The following RARB variants were observed in gnomAD, a reference collection of about 807,000 sequenced individuals.
RARB encodes retinoic acid receptor beta.
In RARB, 17 loss-of-function variants were observed where a neutral mutation model predicts 51.9. That is an observed-to-expected ratio of 0.33 (90% confidence interval 0.22 to 0.49). The LOEUF is 0.49. Ranked by LOEUF, RARB falls within the 20% of genes least tolerant of loss-of-function variation. The pLI is 0.99. For missense variants in RARB, 369 were observed against 550.8 expected (o/e 0.67, Z 3.30); for synonymous variants, 215 against 195.4 (o/e 1.10, Z -0.84).
intron 2 of RARB, among the ~76,000 whole-genome samples, chr3:24,964,919 A>G (rs1167742477): frequency 6.6e-6 from 1 of 152,182 alleles, no homozygotes; most frequent in East Asian, 1.9e-4. Context: ...CACATCACAT[A>G]GGCAGATATT....
intron 4 of RARB, among the ~76,000 whole-genome samples, chr3:25,576,762 C>T (rs780542265): frequency 2.7e-5 from 4 of 149,434 alleles, no homozygotes; most frequent in Admixed American, 1.3e-4. Flanking sequence ...TTTAAGATCA[C>T]GCCCTCCTGT....
chr3:24,908,641 A>C (rs1015515165), intron 2 of RARB, among the ~76,000 whole-genome samples: 2 of 141,886 alleles, frequency 1.4e-5, no homozygotes, highest in Non-Finnish European at 3.0e-5. Flanking sequence ...TAAAATTTGT[A>C]ATTCTTGAGG....
At chr3:25,344,901 C>G (rs555637677) in intron 5 of RARB, among the ~76,000 whole-genome samples, 1 of 152,242 alleles carries the variant, frequency 6.6e-6, no homozygotes, top group Non-Finnish European at 1.5e-5. Context: ...AGGGCTTAAG[C>G]TTAAATTGTC....
intron 5 of RARB, among the ~76,000 whole-genome samples, chr3:25,397,332 G>C (rs1312074123): frequency 1.0e-5 from 1 of 99,834 alleles, no homozygotes; most frequent in Non-Finnish European, 2.0e-5. Flanking sequence ...CCGTGAGGAT[G>C]TGTGTTCAGA....
intron 5 of RARB, among the ~76,000 whole-genome samples, chr3:25,222,556 GA>G (rs1438998689): frequency 2.0e-5 from 3 of 151,980 alleles, no homozygotes; most frequent in South Asian, 2.1e-4. Flanking sequence ...ATAGAAGATA[GA>G]AAAAAAGATA....
At chr3:25,183,573 T>G (rs897638665) in intron 5 of RARB, among the ~76,000 whole-genome samples, 12 of 152,342 alleles carry the variant, frequency 7.9e-5, no homozygotes, top group African/African-American at 2.4e-4. Flanking sequence ...AAGTTCATAT[T>G]CAAGTTTCAG....
intron 5 of RARB, among the ~76,000 whole-genome samples, chr3:25,320,099 C>T (rs541786229): frequency 1.3e-5 from 2 of 150,680 alleles, no homozygotes; most frequent in South Asian, 2.1e-4. Context: ...CCAAGGCAAG[C>T]GCTGCTAAGG....
intron 2 of RARB, among the ~76,000 whole-genome samples, chr3:24,977,002 G>A (rs185934921): frequency 2.5e-4 from 38 of 152,040 alleles, no homozygotes; most frequent in East Asian, 7.8e-4. Context: ...TCCCAGCACC[G>A]CTTATTAAAT....
intron 4 of RARB, among the ~76,000 whole-genome samples, chr3:25,572,405 T>C (rs1529875): frequency 0.2 from 29,694 of 152,096 alleles, 2,853 homozygotes; most frequent in East Asian, 0.26. Context: ...ATGAGGACTC[T>C]GTGATTTGGG....
chr3:25,234,517 T>C (rs1702257655), intron 5 of RARB, among the ~76,000 whole-genome samples: 1 of 152,196 alleles, frequency 6.6e-6, no homozygotes, highest in African/African-American at 2.4e-5. Flanking sequence ...TATTCTATTC[T>C]ATTCTTCTAT....
In RARB at chr3:25,456,344, G is replaced by C. The variant is rs528913577; in HGVS notation, c.158-4849G>C. Reference sequence around the variant, plus strand: ...TGCTTATTTCCCACTGACTTTCTTGGGGGGTGGAGGAAGGCAAAAAAAGAA... The same window carrying C: ...TGCTTATTTCCCACTGACTTTCTTGCGGGGTGGAGGAAGGCAAAAAAAGAA... On this transcript the variant is annotated intron_variant, in intron 1 of 7. Coordinates refer to ENST00000330688, the MANE Select transcript of RARB (RefSeq NM_000965.5). Among the ~76,000 whole-genome samples, 91 of 152,216 alleles carry C rather than the reference G, an allele frequency of 6.0e-4. 1 individual carries two copies. In the South Asian group the frequency reaches 0.018, roughly 30 times the overall value.
At chr3:24,920,339 C>CAA (rs1695191906) in intron 2 of RARB, among the ~76,000 whole-genome samples, 1 of 152,118 alleles carries the variant, frequency 6.6e-6, no homozygotes, top group South Asian at 2.1e-4. Context: ...GATGGTATTG[C>CAA]AACCAGCTCA....
rs557418838 is a variant in RARB at position 25,381,982 on chromosome 3, G to A, written c.179-79211G>A. The stretch of plus-strand genomic sequence containing the variant: ...TCACCACTACCACCAGCAACACCCC[G>A]AGCCATTGTAAAGTCCACGTTGTCA... On this transcript the variant is annotated intron_variant, in intron 5 of 11. Transcript: ENST00000383772. Among the ~76,000 whole-genome samples the A allele has an allele frequency of 3.9e-5, 6 of 152,208 alleles. No individual in the cohort carries two copies. The South Asian group carries it at 6.2e-4, about 16-fold the overall frequency.
chr3:25,275,515 C>A (rs1421582295), intron 5 of RARB, among the ~76,000 whole-genome samples: 3 of 152,174 alleles, frequency 2.0e-5, no homozygotes, highest in African/African-American at 7.2e-5. Context: ...ACTGCCTGCA[C>A]CATCCGGAAG....
chr3:25,343,167 A>G (rs1705284723), intron 5 of RARB, among the ~76,000 whole-genome samples: 2 of 151,866 alleles, frequency 1.3e-5, no homozygotes, highest in South Asian at 4.1e-4. Context: ...TGGCTACTCT[A>G]CAAACTCTTG....
At chr3:25,559,096 A>G (rs1475759126) in intron 3 of RARB, among the ~76,000 whole-genome samples, 3 of 151,992 alleles carry the variant, frequency 2.0e-5, no homozygotes, top group African/African-American at 4.8e-5. Context: ...ATGAGACCCC[A>G]TCCTTTAAAG....
chr3:25,341,037 T>C (rs1417530424), intron 5 of RARB, among the ~76,000 whole-genome samples: 3 of 152,208 alleles, frequency 2.0e-5, no homozygotes, highest in African/African-American at 7.2e-5. Context: ...CCTCTCAATC[T>C]GTGTTCATTG....
At chr3:24,867,657 C>T (rs1382881430) in intron 2 of RARB, among the ~76,000 whole-genome samples, 1 of 152,086 alleles carries the variant, frequency 6.6e-6, no homozygotes, top group Admixed American at 6.6e-5. Context: ...CCTTTCCTGG[C>T]AGAAGTGGGG....
chr3:25,078,534 A>ATTTTTTTTTTTTTTTTTTTTTTTT (rs56349106), intron 3 of RARB, among the ~76,000 whole-genome samples: 4 of 141,292 alleles, frequency 2.8e-5, no homozygotes, highest in Non-Finnish European at 3.0e-5. Flanking sequence ...CCAACTTTCT[A>ATTTTTTTTTTTTTTTTTTTTTTTT]TTTTTTTTTT....
Sources: gnomAD v4.1 joint callset for allele counts (sites outside exome capture counted in the v4.1 genomes callset) on GRCh38, gnomAD v4.1.1 for gene constraint, MANE v1.5 for transcripts, NCBI Gene and HGNC (gene_info 2026-07-23, HGNC 2026-07-21) for gene names.